TENM3: variants seen among roughly 807,000 people sequenced by gnomAD.
The protein encoded by TENM3 is teneurin-3.
A neutral mutation model predicts 255.1 loss-of-function variants in TENM3; 63 were observed. The ratio of observed to expected loss-of-function variants is 0.25; its 90% confidence interval spans 0.20 to 0.30. The LOEUF (loss-of-function observed/expected upper bound fraction) is 0.30, where lower values mean the gene tolerates loss of function less well. TENM3 is among the 10% of genes least tolerant of loss of function. The pLI, the probability that TENM3 is intolerant of heterozygous loss-of-function variation, is 1.00. For synonymous variants in TENM3, 1,306 were observed against 1,322.3 expected, an observed-to-expected ratio of 0.99 and a Z score of 0.27; for missense variants, 2,929 against 3,461.1, an observed-to-expected ratio of 0.85 and a Z score of 3.86.
the TENM3 span, among the ~76,000 whole-genome samples, chr4:181,602,538 GA>G: frequency 6.6e-6 from 1 of 152,136 alleles, no homozygotes; most frequent in East Asian, 1.9e-4. Flanking sequence ...TACATCATCA[GA>G]AATTGAAATA....
At chr4:181,840,730 G>T in the TENM3 span, among the ~76,000 whole-genome samples, 1 of 151,962 alleles carries the variant, frequency 6.6e-6, no homozygotes, top group Non-Finnish European at 1.5e-5. Flanking sequence ...GACAGGAAAG[G>T]TTCTCCTATT....
At chr4:182,444,901 A>G (rs1281020466) in intron 3 of TENM3, among the ~76,000 whole-genome samples, 1 of 152,056 alleles carries the variant, frequency 6.6e-6, no homozygotes, top group Admixed American at 6.6e-5. Context: ...TCCACCTCCC[A>G]TGTTCAAGTG....
the TENM3 span, among the ~76,000 whole-genome samples, chr4:182,018,488 A>G: frequency 6.6e-6 from 1 of 152,204 alleles, no homozygotes; most frequent in Admixed American, 6.5e-5. Flanking sequence ...CCTAGGAGCT[A>G]GGAAAACCAG....
the TENM3 span, among the ~76,000 whole-genome samples, chr4:181,521,106 C>A: frequency 6.6e-6 from 1 of 152,178 alleles, no homozygotes; most frequent in Non-Finnish European, 1.5e-5. Context: ...CTGAATACTT[C>A]AGATTAAATC....
intron 3 of TENM3, among the ~76,000 whole-genome samples, chr4:182,432,370 C>T (rs770116649): frequency 6.6e-6 from 1 of 152,134 alleles, no homozygotes; most frequent in Non-Finnish European, 1.5e-5. Flanking sequence ...ATGCAGAAGT[C>T]TTTACATTGG....
the TENM3 span, among the ~76,000 whole-genome samples, chr4:181,804,884 C>A: frequency 6.6e-6 from 1 of 152,102 alleles, no homozygotes; most frequent in Non-Finnish European, 1.5e-5. Context: ...ATGCCTATAT[C>A]CGGGGCAGCC....
At chr4:181,822,090 A>G in the TENM3 span, among the ~76,000 whole-genome samples, 1 of 152,174 alleles carries the variant, frequency 6.6e-6, no homozygotes, top group South Asian at 2.1e-4. Flanking sequence ...TTTTGAAACC[A>G]CAAATGTCAC....
the TENM3 span, among the ~76,000 whole-genome samples, chr4:181,694,011 C>T: frequency 6.6e-6 from 1 of 152,132 alleles, no homozygotes; most frequent in Non-Finnish European, 1.5e-5. Context: ...CTTAATCCCA[C>T]TAAGCTTTCA....
chr4:182,778,072 AT>A (rs111692772), intron 24 of TENM3, among the ~76,000 whole-genome samples: 8 of 152,008 alleles, frequency 5.3e-5, no homozygotes, highest in Non-Finnish European at 1.5e-5. Context: ...TTTGCAGCTC[AT>A]TTTTTTAAAA....
At chr4:182,472,697 T>C (rs967192357) in intron 3 of TENM3, among the ~76,000 whole-genome samples, 1 of 151,490 alleles carries the variant, frequency 6.6e-6, no homozygotes, top group South Asian at 2.1e-4. Flanking sequence ...ATGACAAATA[T>C]TGATATTTTA....
intron 3 of TENM3, among the ~76,000 whole-genome samples, chr4:182,428,209 G>A (rs952524006): frequency 9.2e-5 from 14 of 152,036 alleles, no homozygotes; most frequent in Admixed American, 7.2e-4. Flanking sequence ...GAGGAACTCC[G>A]GTTACTTAAG....
the TENM3 span, among the ~76,000 whole-genome samples, chr4:181,741,829 C>T: frequency 1.1e-4 from 16 of 152,228 alleles, no homozygotes; most frequent in African/African-American, 3.9e-4. Flanking sequence ...ACTACCAGAT[C>T]CAAGTTTTCC....
intron 1 of TENM3, among the ~76,000 whole-genome samples, chr4:182,321,939 C>T (rs981587813): frequency 1.9e-4 from 29 of 151,766 alleles, no homozygotes; most frequent in African/African-American, 4.4e-4. Flanking sequence ...AGCGAGATTC[C>T]GTCTAAAAAA....
chr4:181,919,850 A>G, the TENM3 span, among the ~76,000 whole-genome samples: 1 of 150,476 alleles, frequency 6.6e-6, no homozygotes, highest in East Asian at 2.0e-4. Context: ...GTCATTTAGC[A>G]TTAGGTATAT....
chr4:181,865,617 A>G, the TENM3 span, among the ~76,000 whole-genome samples: 1 of 152,222 alleles, frequency 6.6e-6, no homozygotes, highest in Admixed American at 6.5e-5. Flanking sequence ...GTCGTTGACA[A>G]CATTGGCAGT....
intron 3 of TENM3, among the ~76,000 whole-genome samples, chr4:182,448,114 C>G (rs937625381): frequency 2.0e-5 from 3 of 152,242 alleles, no homozygotes; most frequent in African/African-American, 7.2e-5. Context: ...ATGCCTTCAG[C>G]CCCTGGTACC....
At chr4:181,677,336 C>T in the TENM3 span, among the ~76,000 whole-genome samples, 3 of 152,094 alleles carry the variant, frequency 2.0e-5, no homozygotes, top group African/African-American at 4.8e-5. Context: ...CTTTAGAGTT[C>T]GTTGGTCTTC....
chr4:182,101,004 C>A, the TENM3 span, among the ~76,000 whole-genome samples: 11 of 132,768 alleles, frequency 8.3e-5, no homozygotes, highest in African/African-American at 3.1e-4. Context: ...GAAATGGTAC[C>A]ACTGTACTCT....
rs1196841514 is a variant in TENM3 at position 182,161,345 on chromosome 4, G to A, written c.-76+16591G>A. ...GCAGGAGAATGGCGTGAACCCGGGA[G>A]GCGAAGCTTGCAGTGAGCCGAGATC... On this transcript the variant is annotated intron_variant, in intron 1 of 2. Coordinates refer to the TENM3 transcript ENST00000512480. Among the ~76,000 whole-genome samples, 24 of 131,758 alleles carry A rather than the reference G, an allele frequency of 1.8e-4. 3 individuals are homozygous for A. Among genetic ancestry groups the A allele is most frequent in the African/African-American group, 6.6e-4 (23 of 34,912 alleles). 86.4% of individuals were successfully genotyped at this position (131,758 alleles called of 152,430 possible). A position where few individuals can be genotyped will look rare whatever the true frequency, so the allele number is the denominator to read the frequency against.
Sources: gnomAD v4.1 joint callset for allele counts (sites outside exome capture counted in the v4.1 genomes callset) on GRCh38, gnomAD v4.1.1 for gene constraint, MANE v1.5 for transcripts, NCBI Gene and HGNC (gene_info 2026-07-23, HGNC 2026-07-21) for gene names.